DYSF: variants seen among roughly 807,000 people sequenced by gnomAD.
DYSF encodes dystrophy-associated fer-1-like 1.
DYSF carries 212 observed loss-of-function variants against 274.9 expected under a neutral mutation model. The ratio of observed to expected loss-of-function variants is 0.77; its 90% CI spans 0.69 to 0.86. The LOEUF (loss-of-function observed/expected upper bound fraction) is 0.86, where lower values mean the gene tolerates loss of function less well. Ranked by LOEUF, DYSF falls within the 40% of genes least tolerant of loss-of-function variation. DYSF has a pLI of 0.00. For missense variants in DYSF, 2,666 were observed against 2,783.2 expected (o/e 0.96, Z 0.95); for synonymous variants, 1,091 against 1,078.7 (o/e 1.01, Z -0.22).
At chr2:71,577,350 A>G (rs1170394249) in intron 30 of DYSF, among the ~76,000 whole-genome samples, 2 of 151,556 alleles carry the variant, frequency 1.3e-5, no homozygotes, top group Admixed American at 6.6e-5. Flanking sequence ...CATACACACC[A>G]ATAAGCACAC....
chr2:71,544,300 C>A (rs926561108), intron 17 of DYSF, among the ~76,000 whole-genome samples: 4 of 152,124 alleles, frequency 2.6e-5, no homozygotes, highest in African/African-American at 9.7e-5. Context: ...CTCCTCAGAT[C>A]TTTAGCTGGA....
intron 40 of DYSF, among the ~76,000 whole-genome samples, chr2:71,618,257 T>C (rs2093966619): frequency 1.3e-5 from 1 of 79,740 alleles, no homozygotes; most frequent in Admixed American, 1.5e-4. Context: ...AGGTGGCGTG[T>C]GTGGTAGAGG....
chr2:71,509,566 G>A (rs935811812), intron 4 of DYSF, among the ~76,000 whole-genome samples: 2 of 152,200 alleles, frequency 1.3e-5, no homozygotes, highest in Non-Finnish European at 2.9e-5. Flanking sequence ...GCATTAGTCA[G>A]TTGGCATTTC....
At chr2:71,464,225 C>T (rs995816857), upstream of DYSF, among the ~76,000 whole-genome samples, 1 of 152,226 alleles carries the variant, frequency 6.6e-6, no homozygotes, top group Non-Finnish European at 1.5e-5. Context: ...TTTATTCTTT[C>T]AGTCCATCAT....
At chr2:71,603,654 G>A (rs553343179) in intron 36 of DYSF, among the ~76,000 whole-genome samples, 12 of 152,246 alleles carry the variant, frequency 7.9e-5, no homozygotes, top group African/African-American at 1.2e-4. Flanking sequence ...GGTGGGGTCC[G>A]CCAAGTGAGC....
intron 1 of DYSF, among the ~76,000 whole-genome samples, chr2:71,476,272 C>T (rs531890510): frequency 6.6e-6 from 1 of 152,238 alleles, no homozygotes; most frequent in Admixed American, 6.5e-5. Flanking sequence ...CCTTGGCAGG[C>T]TGGGTGTGGT....
At chr2:71,599,086 A>G (rs943304624) in intron 33 of DYSF, among the ~76,000 whole-genome samples, 2 of 152,170 alleles carry the variant, frequency 1.3e-5, no homozygotes, top group Non-Finnish European at 2.9e-5. Flanking sequence ...AATGTACATC[A>G]AACACTTACG....
At chr2:71,636,157 C>T (rs544310276) in intron 41 of DYSF, among the ~76,000 whole-genome samples, 1 of 152,248 alleles carries the variant, frequency 6.6e-6, no homozygotes, top group Admixed American at 6.5e-5. Flanking sequence ...GGTGTGAGGG[C>T]TCGATCACAA....
chr2:71,611,862 A>G (rs2093770327), intron 38 of DYSF, among the ~76,000 whole-genome samples: 1 of 152,182 alleles, frequency 6.6e-6, no homozygotes, highest in Admixed American at 6.5e-5. Flanking sequence ...TAGATCAGCG[A>G]AAGTCCCAAG....
intron 1 of DYSF, among the ~76,000 whole-genome samples, chr2:71,458,133 A>G (rs2081146118): frequency 6.6e-6 from 1 of 152,152 alleles, no homozygotes; most frequent in Non-Finnish European, 1.5e-5. Context: ...CTTATCTGTA[A>G]AGTGTTGATA....
In DYSF at chr2:71,598,763, C is replaced by T. The variant is rs1323939838; in HGVS notation, c.3756+18C>T. The T allele has an allele frequency of 6.8e-6, 11 of 1,608,608 alleles. No individual in the cohort carries two copies. Among genetic ancestry groups the T allele is most frequent in the Non-Finnish European group, 9.3e-6 (11 of 1,179,820 alleles). ...ACACTTATGTGAGTCTGCCCAGCTC[C>T]TGCCTCGTCCCCTCACAGGGAGGGA... On this transcript the variant is annotated intron_variant, in intron 33 of 55. Transcript: ENST00000410020.
chr2:71,585,550 G>A (rs1026972828), intron 30 of DYSF, among the ~76,000 whole-genome samples: 8 of 152,152 alleles, frequency 5.3e-5, no homozygotes, highest in Admixed American at 2.6e-4. Flanking sequence ...CTTGAGCCAC[G>A]CTGATGTCCA....
At chr2:71,505,530 G>C (rs1375986172) in intron 4 of DYSF, among the ~76,000 whole-genome samples, 2 of 152,232 alleles carry the variant, frequency 1.3e-5, no homozygotes, top group Admixed American at 1.3e-4. Context: ...CCTGCCGCAG[G>C]CTGACTGCAG....
At chr2:71,479,458 T>C (rs1398262155) in intron 1 of DYSF, among the ~76,000 whole-genome samples, 1 of 151,940 alleles carries the variant, frequency 6.6e-6, no homozygotes, top group Non-Finnish European at 1.5e-5. Flanking sequence ...CCAAACTCCT[T>C]GTTTTGTGGA....
At chr2:71,645,718 G>T (rs1439014068) in intron 42 of DYSF, among the ~76,000 whole-genome samples, 1 of 151,938 alleles carries the variant, frequency 6.6e-6, no homozygotes, top group Admixed American at 6.6e-5. Flanking sequence ...ACCTGACCCC[G>T]TTCTGTATCA....
chr2:71,483,845 C>A (rs1208873636), intron 3 of DYSF, among the ~76,000 whole-genome samples: 2 of 151,926 alleles, frequency 1.3e-5, no homozygotes, highest in African/African-American at 4.8e-5. Flanking sequence ...GCCCCATGTG[C>A]CTCTCGGAGG....
chr2:71,467,803 GATA>G (rs1313041321), intron 1 of DYSF, among the ~76,000 whole-genome samples: 18 of 152,024 alleles, frequency 1.2e-4, no homozygotes, highest in Non-Finnish European at 2.5e-4. Flanking sequence ...TTGTGGAATC[GATA>G]ATAATAATAA....
chr2:71,585,072 C>T lies in DYSF; in HGVS notation c.3403-4521C>T, dbSNP rs533477037. ...AGTTCTCTACAGGGCACAGTTTCCC[C>T]GAACCTGGCCACAGGGGACATTGGG... On this transcript the variant is annotated intron_variant, in intron 30 of 55. Transcript: ENST00000410020. Among the ~76,000 whole-genome samples, 20 of 152,342 alleles carry T rather than the reference C, an allele frequency of 1.3e-4. 1 individual carries two copies. Among genetic ancestry groups the T allele is most frequent in the Middle Eastern group, 3.4e-3 (1 of 294 alleles).
chr2:71,502,357 T>A (rs546381390), intron 3 of DYSF, among the ~76,000 whole-genome samples: 1 of 152,066 alleles, frequency 6.6e-6, no homozygotes, highest in Non-Finnish European at 1.5e-5. Context: ...CAGCCTAACA[T>A]GGCCTTGTGC....
Sources: gnomAD v4.1 joint callset for allele counts (sites outside exome capture counted in the v4.1 genomes callset) on GRCh38, gnomAD v4.1.1 for gene constraint, MANE v1.5 for transcripts, NCBI Gene and HGNC (gene_info 2026-07-23, HGNC 2026-07-21) for gene names.